YAP1: variants seen among roughly 807,000 people sequenced by gnomAD.
The protein encoded by YAP1 is Yes1 associated transcriptional regulator, also known as transcriptional coactivator YAP1.
In YAP1, 5 loss-of-function variants were observed where a neutral mutation model predicts 56.9. The observed-to-expected ratio is 0.09, with a 90% confidence interval of 0.05 to 0.18. YAP1 has a LOEUF of 0.18. Among genes scored for constraint, YAP1 ranks in the 10% least tolerant of loss-of-function variants. The probability of loss-of-function intolerance (pLI) is 1.00; values close to 1 mark genes in which losing one functional copy is unlikely to be tolerated. For missense variants in YAP1, 539 were observed against 651.8 expected, an observed-to-expected ratio of 0.83 and a Z score of 1.88; for synonymous variants, 265 against 248.1, an observed-to-expected ratio of 1.07 and a Z score of -0.64.
At chr11:102,123,092 CCTTTT>C (rs1185378041) in intron 2 of YAP1, among the ~76,000 whole-genome samples, 5 of 152,024 alleles carry the variant, frequency 3.3e-5, no homozygotes, top group African/African-American at 1.2e-4. Context: ...CCCTCAAAAT[CCTTTT>C]CTTTAATCCT....
intron 5 of YAP1, among the ~76,000 whole-genome samples, chr11:102,208,553 A>G (rs1189836820): frequency 1.3e-5 from 2 of 152,330 alleles, no homozygotes; most frequent in Admixed American, 6.5e-5. Context: ...ACAAATTACC[A>G]TAAAGGAAGA....
chr11:102,232,268 T>A lies in YAP1; in HGVS notation c.*2328T>A, dbSNP rs887855711. The A allele has an allele frequency of 2.8e-5, 1 of 36,104 alleles. No homozygotes were observed. Among genetic ancestry groups the A allele is most frequent in the African/African-American group, 1.2e-4 (1 of 8,438 alleles). 2.2% of individuals were successfully genotyped at this position (36,104 alleles called of 1,614,324 possible). The stretch of plus-strand genomic sequence containing the variant: ...GATTAGCTTTAGCTTAGGGGGAGGG[T>A]GGGAAAGTTTGGGGGGGGGGTTGTG... On this transcript the variant is annotated 3_prime_UTR_variant, in exon 9 of 9. Coordinates refer to ENST00000282441, the MANE Select transcript of YAP1 (RefSeq NM_001130145.3).
intron 2 of YAP1, among the ~76,000 whole-genome samples, chr11:102,145,665 G>A (rs1252126465): frequency 1.3e-5 from 2 of 152,190 alleles, no homozygotes; most frequent in Admixed American, 1.3e-4. Context: ...GGCAGTAAAT[G>A]TAAAATGTTG....
At chr11:102,117,700 A>G (rs897751328) in intron 2 of YAP1, among the ~76,000 whole-genome samples, 2 of 152,228 alleles carry the variant, frequency 1.3e-5, no homozygotes, top group Admixed American at 6.5e-5. Context: ...CGGTGGAAGT[A>G]TGGTGCTAGT....
chr11:102,215,863 T>C (rs1853345354), intron 6 of YAP1, among the ~76,000 whole-genome samples: 1 of 152,166 alleles, frequency 6.6e-6, no homozygotes, highest in Non-Finnish European at 1.5e-5. Flanking sequence ...TTTAAGGGAA[T>C]TAGTAGACAT....
At chr11:102,116,128 T>TG (rs781079881) in intron 2 of YAP1, among the ~76,000 whole-genome samples, 15 of 152,312 alleles carry the variant, frequency 9.8e-5, no homozygotes, top group Middle Eastern at 3.4e-3. Flanking sequence ...TATCTGTGGG[T>TG]TCAGCATTCA....
chr11:102,156,172 A>G (rs895546259), intron 2 of YAP1, among the ~76,000 whole-genome samples: 1 of 152,316 alleles, frequency 6.6e-6, no homozygotes, highest in Admixed American at 6.5e-5. Context: ...TTAAAATAGT[A>G]TTTGTTCAGG....
chr11:102,182,276 T>C (rs1210536387), intron 3 of YAP1, among the ~76,000 whole-genome samples: 1 of 152,234 alleles, frequency 6.6e-6, no homozygotes, highest in Admixed American at 6.5e-5. Context: ...TAGCACATTA[T>C]AATCAGAATA....
intron 2 of YAP1, among the ~76,000 whole-genome samples, chr11:102,143,983 G>A (rs540958865): frequency 1.1e-4 from 16 of 152,168 alleles, no homozygotes; most frequent in African/African-American, 1.4e-4. Context: ...TCATAAAGAC[G>A]TGTAAAGAAA....
At chr11:102,201,216 G>GA (rs150125845) in intron 4 of YAP1, among the ~76,000 whole-genome samples, 1,666 of 152,250 alleles carry the variant, frequency 0.011, 37 homozygotes, top group African/African-American at 0.038. Flanking sequence ...GAAAATGAGG[G>GA]AAAATCTCTA....
Position 102,190,159 on chromosome 11 carries a change from G to GT in YAP1, c.802+4036dup, listed in dbSNP as rs201275013. On this transcript the variant is annotated intron_variant, in intron 4 of 8. Transcript: ENST00000282441. ...TTGATAGCTGTATGCTAAAAGTGAG[G>GT]TTTTTTTTGTTCTGTTTTGTTTTGT... is the stretch of plus-strand genomic sequence containing the variant. Among the ~76,000 whole-genome samples, 473 of 151,938 alleles carry GT rather than the reference G, an allele frequency of 3.1e-3. 6 individuals are homozygous for GT. The highest frequency in any genetic ancestry group is 2.9e-3 in the South Asian group (14 of 4,806).
At chr11:102,194,895 A>T (rs1416638621) in intron 4 of YAP1, among the ~76,000 whole-genome samples, 3 of 152,190 alleles carry the variant, frequency 2.0e-5, no homozygotes, top group Non-Finnish European at 2.9e-5. Flanking sequence ...TGACAAGTAT[A>T]TTTTAAAAGA....
intron 1 of YAP1, chr11:102,112,627 C>G: frequency 3.0e-6 from 3 of 984,982 alleles, no homozygotes; most frequent in Non-Finnish European, 3.6e-6. Context: ...CTGTCGGAGA[C>G]CAAAGGGTTT....
chr11:102,206,270 G>C (rs1949116194), intron 5 of YAP1, among the ~76,000 whole-genome samples, 196 bp downstream of exon 5: 1 of 152,162 alleles, frequency 6.6e-6, no homozygotes, highest in Non-Finnish European at 1.5e-5. Flanking sequence ...AAGTTACAAG[G>C]GATGTGACTT....
chr11:102,201,202 A>G (rs1409034909), intron 4 of YAP1, among the ~76,000 whole-genome samples: 1 of 152,130 alleles, frequency 6.6e-6, no homozygotes, highest in Non-Finnish European at 1.5e-5. Context: ...AGCTATGTCA[A>G]TAGGAAAATG....
intron 6 of YAP1, among the ~76,000 whole-genome samples, chr11:102,209,792 C>G (rs1020070252): frequency 1.3e-5 from 2 of 152,060 alleles, no homozygotes; most frequent in African/African-American, 4.8e-5. Flanking sequence ...TATTTTGATT[C>G]CATGGAGGTC....
chr11:102,155,595 T>C (rs1160451358), intron 2 of YAP1, among the ~76,000 whole-genome samples: 2 of 152,366 alleles, frequency 1.3e-5, no homozygotes, highest in Middle Eastern at 3.4e-3. Context: ...ACAAGTTCCA[T>C]ATACACTTTA....
At chr11:102,144,886 A>G (rs1026505699) in intron 2 of YAP1, among the ~76,000 whole-genome samples, 3 of 149,494 alleles carry the variant, frequency 2.0e-5, no homozygotes, top group Non-Finnish European at 4.5e-5. Flanking sequence ...ACATACACAC[A>G]CTCATGCTCA....
At chr11:102,164,223 C>T (rs553584944) in intron 3 of YAP1, among the ~76,000 whole-genome samples, 54 of 152,040 alleles carry the variant, frequency 3.6e-4, no homozygotes, top group Middle Eastern at 3.4e-3. Context: ...GTAGTAGAGA[C>T]GGGGTTTCAC....
Sources: gnomAD v4.1 joint callset for allele counts (sites outside exome capture counted in the v4.1 genomes callset) on GRCh38, gnomAD v4.1.1 for gene constraint, MANE v1.5 for transcripts, NCBI Gene and HGNC (gene_info 2026-07-23, HGNC 2026-07-21) for gene names.